Variants in TNRC6B observed in about 807,000 individuals in gnomAD.
TNRC6B encodes trinucleotide repeat containing adaptor 6B.
A neutral mutation model predicts 203.6 loss-of-function variants in TNRC6B; 52 were observed. That is an observed-to-expected ratio of 0.26 (90% CI 0.20 to 0.32). TNRC6B has a LOEUF of 0.32. TNRC6B is among the 10% of genes least tolerant of loss of function. The pLI is 1.00. For missense variants in TNRC6B, 1,923 were observed against 2,286.2 expected, an observed-to-expected ratio of 0.84 and a Z score of 3.24; for synonymous variants, 838 against 845.7, an observed-to-expected ratio of 0.99 and a Z score of 0.16.
chr22:40,284,846 A>C (rs1183747146), intron 11 of TNRC6B, among the ~76,000 whole-genome samples: 1 of 152,192 alleles, frequency 6.6e-6, no homozygotes, highest in Non-Finnish European at 1.5e-5. Context: ...TTATTATCAA[A>C]TATGGTTTCT....
Position 40,327,333 on chromosome 22 carries a change from A to G in TNRC6B, c.*4092A>G, listed in dbSNP as rs1569073372. On this transcript the variant is annotated 3_prime_UTR_variant, in exon 23 of 23. Coordinates refer to ENST00000454349, the MANE Select transcript of TNRC6B (RefSeq NM_001162501.2). ...GCCCCAAAGGCAGTGGGCTGAATTT[A>G]AAATAAATAAACAAACGTCAAGCAA... 6.5e-6 allele frequency: 1 copy of G among 152,726 alleles called. No homozygotes were observed. Among genetic ancestry groups the G allele is most frequent in the African/African-American group, 2.4e-5 (1 of 41,470 alleles). The allele number at this position is 152,726 out of a possible 1,614,324, so 9.5% of individuals were successfully genotyped here.
chr22:40,181,256 G>A (rs771887059), intron 1 of TNRC6B, among the ~76,000 whole-genome samples: 1 of 152,174 alleles, frequency 6.6e-6, no homozygotes, highest in Non-Finnish European at 1.5e-5. Context: ...CTAGAAGAGT[G>A]TTATGCGATG....
chr22:40,220,064 T>G lies in TNRC6B; in HGVS notation c.6-25951T>G, dbSNP rs142536700. Among the ~76,000 whole-genome samples, 295 of 152,314 alleles carry G rather than the reference T, an allele frequency of 1.9e-3. 1 individual carries two copies. Among genetic ancestry groups the G allele is most frequent in the Middle Eastern group, 0.014 (4 of 294 alleles). ...CTTAGATATTTTATTAGCAACAAAT[T>G]ATGATAGAGCTTACAAACTCCTTGA... On this transcript the variant is annotated intron_variant, in intron 1 of 22. Coordinates refer to ENST00000454349, the MANE Select transcript of TNRC6B (RefSeq NM_001162501.2).
At chr22:40,210,874 C>T (rs1406795149) in intron 1 of TNRC6B, among the ~76,000 whole-genome samples, 2 of 152,126 alleles carry the variant, frequency 1.3e-5, no homozygotes, top group African/African-American at 4.8e-5. Context: ...CATCCAGTGC[C>T]TTGTAAGGTG....
chr22:40,256,119 T>C (rs1224015931), intron 3 of TNRC6B, among the ~76,000 whole-genome samples: 1 of 152,036 alleles, frequency 6.6e-6, no homozygotes, highest in Non-Finnish European at 1.5e-5. Context: ...GATATGTGGG[T>C]GGGGGAACAT....
intron 4 of TNRC6B, among the ~76,000 whole-genome samples, chr22:40,172,471 C>G (rs1267877351): frequency 6.6e-6 from 1 of 152,180 alleles, no homozygotes; most frequent in Non-Finnish European, 1.5e-5. Flanking sequence ...GTCCCTGTAT[C>G]GTTGTAATTT....
chr22:40,148,466 T>C (rs547282608), intron 3 of TNRC6B, among the ~76,000 whole-genome samples: 7 of 152,190 alleles, frequency 4.6e-5, no homozygotes, highest in Admixed American at 2.6e-4. Context: ...GTATTTTTAG[T>C]AGAGATGGAG....
At chr22:40,263,264 A>T (rs538299457) in intron 4 of TNRC6B, among the ~76,000 whole-genome samples, 3 of 152,330 alleles carry the variant, frequency 2.0e-5, no homozygotes, top group Admixed American at 2.0e-4. Flanking sequence ...TCTGAGTTTA[A>T]ACAAATAATT....
At chr22:40,228,129 AAATAT>A (rs1293238447) in intron 1 of TNRC6B, among the ~76,000 whole-genome samples, 1 of 152,140 alleles carries the variant, frequency 6.6e-6, no homozygotes, top group Non-Finnish European at 1.5e-5. Context: ...TCCAGATTAT[AAATAT>A]TAGAGTATGT....
chr22:40,315,395 G>T lies in TNRC6B; in HGVS notation c.4791G>T (p.Pro1597=). Residue 1597 remains proline (P), a synonymous_variant, in exon 20 of 23, where the codon CCG becomes CCT. Coordinates refer to ENST00000454349, the MANE Select transcript of TNRC6B (RefSeq NM_001162501.2). The part of the protein sequence containing the change: ...KNHISSRNTT[P]LPRPPPGLTN... ...ATATTTCCTCCAGGAACACTACACC[G>T]CTGCCCCGCCCACCTCCTGGTCTGA... The T allele has an allele frequency of 1.2e-6, 2 of 1,613,892 alleles. No homozygotes were observed. Among genetic ancestry groups the T allele is most frequent in the Admixed American group, 1.7e-5 (1 of 60,018 alleles).
chr22:40,135,682 C>A (rs1349077321), intron 3 of TNRC6B, among the ~76,000 whole-genome samples: 1 of 151,956 alleles, frequency 6.6e-6, no homozygotes, highest in African/African-American at 2.4e-5. Context: ...CTTACTTTTT[C>A]TGTAGAGACT....
chr22:40,076,109 G>A (rs1038049733), intron 1 of TNRC6B, among the ~76,000 whole-genome samples: 14 of 152,062 alleles, frequency 9.2e-5, no homozygotes, highest in Non-Finnish European at 1.9e-4. Flanking sequence ...AAGCTTCACC[G>A]TTTTTTGTAC....
chr22:40,334,532 C>G lies in TNRC6B; in HGVS notation c.*11291C>G, dbSNP rs1163124271. ...ATCCCTGTTCTGCGTAACCAAAAAA[C>G]AGACAACAAAAGCAACCTGAGGAGA... is the stretch of plus-strand genomic sequence containing the variant. On this transcript the variant is annotated 3_prime_UTR_variant, in exon 23 of 23. Transcript: ENST00000454349. The G allele has an allele frequency of 6.6e-6, 1 of 152,640 alleles. No individual in the cohort carries two copies. Among genetic ancestry groups the G allele is most frequent in the African/African-American group, 2.4e-5 (1 of 41,442 alleles). The allele number at this position is 152,640 out of a possible 1,614,324, so 9.5% of individuals were successfully genotyped here. A position where few individuals can be genotyped will look rare whatever the true frequency, so the allele number is the denominator to read the frequency against.
intron 3 of TNRC6B, 125 bp downstream of exon 3, chr22:40,251,325 T>G (rs551754587): frequency 1.0e-5 from 7 of 675,064 alleles, no homozygotes; most frequent in Non-Finnish European, 1.4e-5. Flanking sequence ...GTGGGTTGTT[T>G]GCAGTCACTG....
In TNRC6B at chr22:40,295,551, G is replaced by T. The variant is rs957480346; in HGVS notation, c.3709-4904G>T. On this transcript the variant is annotated intron_variant, in intron 12 of 22. Transcript: ENST00000454349. ...ATGTAGCAGAGATGGTGGTTCAAAAGTATTAGGAAACTGAGGAATTTAACT... is the reference window on the plus strand; with the variant it reads ...ATGTAGCAGAGATGGTGGTTCAAAATTATTAGGAAACTGAGGAATTTAACT... Among the ~76,000 whole-genome samples the T allele has an allele frequency of 3.9e-5, 6 of 151,942 alleles. No individual in the cohort carries two copies. The South Asian group carries it at 1.0e-3, about 26-fold the overall frequency.
chr22:40,072,833 C>T (rs2067963246), intron 1 of TNRC6B, among the ~76,000 whole-genome samples: 1 of 130,430 alleles, frequency 7.7e-6, no homozygotes, highest in Non-Finnish European at 1.5e-5. Context: ...CATTGCATTC[C>T]AGCCTGGGCA....
At chr22:40,319,591 AT>A (rs1434434037) in intron 21 of TNRC6B, among the ~76,000 whole-genome samples, 4 of 151,818 alleles carry the variant, frequency 2.6e-5, no homozygotes, top group Non-Finnish European at 5.9e-5. Context: ...TGCCTGGCTA[AT>A]TTTTTTGTGT....
chr22:40,234,559 A>G (rs1370239430), intron 1 of TNRC6B, among the ~76,000 whole-genome samples: 2 of 152,238 alleles, frequency 1.3e-5, no homozygotes, highest in South Asian at 2.1e-4. Context: ...AAGTTTGAGA[A>G]GCATTGCTTT....
At chr22:40,193,488 A>G (rs577164284) in intron 1 of TNRC6B, among the ~76,000 whole-genome samples, 3 of 152,318 alleles carry the variant, frequency 2.0e-5, no homozygotes, top group African/African-American at 4.8e-5. Context: ...ACAAATAGGA[A>G]GGAGCTAGCA....
Sources: allele counts gnomAD v4.1 joint callset (sites outside exome capture counted in the v4.1 genomes callset), GRCh38; gene constraint gnomAD v4.1.1; transcripts MANE v1.5; gene names NCBI Gene and HGNC (gene_info 2026-07-23, HGNC 2026-07-21).